The following CRPPA variants were observed in gnomAD, a reference collection of about 807,000 sequenced individuals.
The protein encoded by CRPPA is CDP-L-ribitol pyrophosphorylase A, also known as D-ribitol-5-phosphate cytidylyltransferase.
Under a neutral mutation model 52.0 loss-of-function variants are expected in CRPPA, and 43 were observed. The ratio of observed to expected loss-of-function variants is 0.83; its 90% confidence interval spans 0.65 to 1.07. The LOEUF (loss-of-function observed/expected upper bound fraction) is 1.07, where lower values mean the gene tolerates loss of function less well. Among genes scored for constraint, CRPPA ranks in the 50% least tolerant of loss-of-function variants. The probability of loss-of-function intolerance (pLI) is 0.00; values close to 1 mark genes in which losing one functional copy is unlikely to be tolerated. For synonymous variants in CRPPA, 250 were observed against 203.5 expected, an observed-to-expected ratio of 1.23 and a Z score of -1.94; for missense variants, 629 against 551.7, an observed-to-expected ratio of 1.14 and a Z score of -1.40.
intron 2 of CRPPA, among the ~76,000 whole-genome samples, chr7:16,396,250 T>C (rs753381941): frequency 4.6e-5 from 7 of 152,198 alleles, no homozygotes; most frequent in Non-Finnish European, 8.8e-5. Flanking sequence ...TTGATTACAA[T>C]GGACAAGTAC....
At chr7:16,266,049 A>C (rs531630334) in intron 6 of CRPPA, among the ~76,000 whole-genome samples, 1 of 152,186 alleles carries the variant, frequency 6.6e-6, no homozygotes, top group Non-Finnish European at 1.5e-5. Flanking sequence ...GTAATTCTAC[A>C]TGTCCCAAAG....
At chr7:16,173,299 T>C (rs1482966040) in intron 9 of CRPPA, among the ~76,000 whole-genome samples, 2 of 152,196 alleles carry the variant, frequency 1.3e-5, no homozygotes, top group African/African-American at 4.8e-5. Flanking sequence ...TGGAAAAAAG[T>C]ATTCCATTGT....
intron 5 of CRPPA, among the ~76,000 whole-genome samples, chr7:16,279,530 T>A (rs186592756): frequency 1.3e-4 from 20 of 152,314 alleles, no homozygotes; most frequent in Middle Eastern, 3.4e-3. Flanking sequence ...TCTGTAATTC[T>A]AAGTTACGTG....
intron 9 of CRPPA, among the ~76,000 whole-genome samples, chr7:16,105,693 C>A (rs1305330019): frequency 6.6e-6 from 1 of 152,078 alleles, no homozygotes; most frequent in Non-Finnish European, 1.5e-5. Flanking sequence ...CTTCAGAAGC[C>A]TGATGGGATG....
At chr7:16,127,282 T>C (rs994236846) in intron 9 of CRPPA, among the ~76,000 whole-genome samples, 1 of 151,976 alleles carries the variant, frequency 6.6e-6, no homozygotes, top group African/African-American at 2.4e-5. Flanking sequence ...CCCTTAAAGT[T>C]AGAGAAAGAA....
chr7:16,392,223 C>G (rs1787464399), intron 2 of CRPPA, among the ~76,000 whole-genome samples: 1 of 152,092 alleles, frequency 6.6e-6, no homozygotes, highest in Admixed American at 6.6e-5. Flanking sequence ...TCCAACAATT[C>G]ACTCTAAGTT....
chr7:16,119,849 T>A (rs1472736122), intron 9 of CRPPA, among the ~76,000 whole-genome samples: 2 of 152,164 alleles, frequency 1.3e-5, no homozygotes, highest in African/African-American at 2.4e-5. Context: ...TAAGAGAAGG[T>A]ATCAAGTAGA....
At chr7:16,255,825 A>G (rs1783623474) in intron 8 of CRPPA, among the ~76,000 whole-genome samples, 1 of 152,208 alleles carries the variant, frequency 6.6e-6, no homozygotes, top group Admixed American at 6.5e-5. Context: ...CATAAGACCT[A>G]AAACCATAAA....
intron 2 of CRPPA, among the ~76,000 whole-genome samples, chr7:16,403,843 T>C (rs2128318050): frequency 8.5e-6 from 1 of 118,040 alleles, no homozygotes; most frequent in African/African-American, 3.9e-5. Flanking sequence ...ATTAGCTGAA[T>C]CTAGCCTTGA....
rs544568269 is a variant in CRPPA, at chr7:16,161,709, T to C, written c.1251+54357A>G. On this transcript the variant is annotated intron_variant, in intron 9 of 9. Transcript: ENST00000407010. Reference sequence around the variant, plus strand: ...GATGATGCTGGACTCACAAAATCAGTAGGGAGGAGTCCCTCTTTTTCTATT... The same window carrying C: ...GATGATGCTGGACTCACAAAATCAGCAGGGAGGAGTCCCTCTTTTTCTATT... 2.6e-5 allele frequency among the ~76,000 whole-genome samples: 4 copies of C among 152,286 alleles called. No homozygotes were observed. The East Asian group carries it at 5.8e-4, about 22-fold the overall frequency.
At chr7:16,314,366 C>T (rs767506130) in intron 3 of CRPPA, among the ~76,000 whole-genome samples, 1 of 151,966 alleles carries the variant, frequency 6.6e-6, no homozygotes, top group African/African-American at 2.4e-5. Flanking sequence ...ATAAAATAAT[C>T]CTAATTACTC....
chr7:16,280,339 G>C, intron 5 of CRPPA, among the ~76,000 whole-genome samples: 1 of 152,298 alleles, frequency 6.6e-6, no homozygotes, highest in South Asian at 2.1e-4. Context: ...TTTGAAAACA[G>C]AGTTAACCCA....
At chr7:16,200,561 T>C (rs1033054917) in intron 9 of CRPPA, among the ~76,000 whole-genome samples, 1 of 152,242 alleles carries the variant, frequency 6.6e-6, no homozygotes, top group African/African-American at 2.4e-5. Context: ...AAAATATATG[T>C]TGCTGCCTAA....
chr7:16,258,538 C>G (rs1783708621), intron 7 of CRPPA, 56 bp from the exon 8 acceptor site: 1 of 1,014,954 alleles, frequency 9.9e-7, no homozygotes, highest in Non-Finnish European at 1.5e-6. Flanking sequence ...TGACTTAAAA[C>G]TTATTTCAAG....
chr7:16,276,942 T>G (rs1182227791), intron 6 of CRPPA: 4 of 152,166 alleles, frequency 2.6e-5, no homozygotes, highest in Admixed American at 2.6e-4. Flanking sequence ...AGTACAGCAC[T>G]GAAGTATGGG....
chr7:16,236,985 T>C (rs186532024), intron 8 of CRPPA, among the ~76,000 whole-genome samples: 2 of 151,796 alleles, frequency 1.3e-5, no homozygotes, highest in East Asian at 1.9e-4. Flanking sequence ...CTTTTGAATA[T>C]GAATAAAATC....
At chr7:16,218,838 T>C (rs1562565308) in intron 8 of CRPPA, among the ~76,000 whole-genome samples, 1 of 148,038 alleles carries the variant, frequency 6.8e-6, no homozygotes, top group Non-Finnish European at 1.5e-5. Flanking sequence ...CACACATTAA[T>C]AATGGGAGAC....
intron 1 of CRPPA, among the ~76,000 whole-genome samples, chr7:16,408,493 G>A (rs566502085): frequency 6.6e-6 from 1 of 152,300 alleles, no homozygotes; most frequent in South Asian, 2.1e-4. Context: ...GGAGGCCCAG[G>A]CAGGAGGTGG....
intron 9 of CRPPA, among the ~76,000 whole-genome samples, chr7:16,169,863 CA>C (rs1187776533): frequency 1.3e-5 from 2 of 152,130 alleles, no homozygotes; most frequent in Non-Finnish European, 2.9e-5. Context: ...AAACAAGAAG[CA>C]CTCACTGTAT....
Sources: allele counts gnomAD v4.1 joint callset (sites outside exome capture counted in the v4.1 genomes callset), GRCh38; gene constraint gnomAD v4.1.1; transcripts MANE v1.5; gene names NCBI Gene and HGNC (gene_info 2026-07-23, HGNC 2026-07-21).